VSTM4: variants seen among roughly 807,000 people sequenced by gnomAD.
The protein encoded by VSTM4 is V-set and transmembrane domain containing 4.
Under a neutral mutation model 36.4 loss-of-function variants are expected in VSTM4, and 20 were observed. The ratio of observed to expected loss-of-function variants is 0.55; its 90% CI spans 0.39 to 0.80. The LOEUF (loss-of-function observed/expected upper bound fraction) is 0.80. VSTM4 is among the 30% of genes least tolerant of loss of function. The probability of loss-of-function intolerance (pLI) is 0.00; values close to 1 mark genes in which losing one functional copy is unlikely to be tolerated. For synonymous variants in VSTM4, 182 were observed against 173.9 expected (o/e 1.05, Z -0.37); for missense variants, 392 against 404.5 (o/e 0.97, Z 0.26).
chr10:49,093,198 C>T (rs891308350), intron 2 of VSTM4, among the ~76,000 whole-genome samples: 1 of 152,110 alleles, frequency 6.6e-6, no homozygotes, highest in African/African-American at 2.4e-5. Flanking sequence ...TAAGAGAGCA[C>T]CCCATAACAC....
At chr10:49,085,480 C>T (rs1844353759) in intron 3 of VSTM4, among the ~76,000 whole-genome samples, 1 of 152,202 alleles carries the variant, frequency 6.6e-6, no homozygotes, top group African/African-American at 2.4e-5. Context: ...AGGTACTTAT[C>T]ATTTTTATAT....
chr10:49,039,677 C>T lies in VSTM4; in HGVS notation c.837+7306G>A, dbSNP rs528345965. On this transcript the variant is annotated intron_variant, in intron 7 of 7. Transcript: ENST00000332853. ...TTGTGGAGGAGGGCATGGTTGATGA[C>T]GAGGCATGGAAGAGCCTATCCAAGT... is the stretch of plus-strand genomic sequence containing the variant. Among the ~76,000 whole-genome samples the T allele has an allele frequency of 3.9e-5, 6 of 152,154 alleles. No individual in the cohort carries two copies. In the East Asian group the frequency reaches 5.8e-4, roughly 15 times the overall value.
At chr10:49,088,248 G>A (rs1365975574) in intron 2 of VSTM4, among the ~76,000 whole-genome samples, 3 of 152,026 alleles carry the variant, frequency 2.0e-5, no homozygotes, top group Non-Finnish European at 2.9e-5. Flanking sequence ...CTATCACTGG[G>A]CACATTGCCT....
intron 1 of VSTM4, among the ~76,000 whole-genome samples, chr10:49,113,556 A>G (rs1844935990): frequency 6.6e-6 from 1 of 152,198 alleles, no homozygotes; most frequent in Admixed American, 6.5e-5. Flanking sequence ...TAAGTGGCAG[A>G]GCTGGAATTC....
intron 5 of VSTM4, among the ~76,000 whole-genome samples, chr10:49,060,260 G>C (rs1234489652): frequency 6.6e-6 from 1 of 152,184 alleles, no homozygotes; most frequent in Non-Finnish European, 1.5e-5. Flanking sequence ...GTAACTTAAA[G>C]GTTTTAAGAA....
intron 7 of VSTM4, among the ~76,000 whole-genome samples, chr10:49,028,790 A>G (rs1843301307): frequency 1.3e-5 from 2 of 152,242 alleles, no homozygotes; most frequent in Admixed American, 1.3e-4. Context: ...TTCTCTCAAC[A>G]TCAAAAGTTC....
rs142073855 is a variant in VSTM4 at position 49,067,464 on chromosome 10, A to G, written c.635-2728T>C. On this transcript the variant is annotated intron_variant, in intron 4 of 7. Transcript: ENST00000332853. The stretch of plus-strand genomic sequence containing the variant: ...TACTTCAGAATGTGACTGTATTTGG[A>G]GATAGGGTCTTTAAAGAGGTAATTA... Among the ~76,000 whole-genome samples the G allele has an allele frequency of 3.9e-5, 6 of 152,286 alleles. No individual in the cohort carries two copies. The East Asian group carries it at 1.2e-3, about 29-fold the overall frequency.
intron 1 of VSTM4, among the ~76,000 whole-genome samples, chr10:49,113,367 G>A (rs1844932281): frequency 6.6e-6 from 1 of 152,136 alleles, no homozygotes; most frequent in South Asian, 2.1e-4. Context: ...CCTGAAAATA[G>A]CTCCATCCAG....
intron 3 of VSTM4, among the ~76,000 whole-genome samples, chr10:49,080,602 G>C (rs936183852): frequency 6.6e-6 from 1 of 152,272 alleles, no homozygotes; most frequent in Non-Finnish European, 1.5e-5. Context: ...CATTTAAGGA[G>C]AGAGGGGCAG....
chr10:49,096,049 C>G (rs973286861), intron 2 of VSTM4, among the ~76,000 whole-genome samples: 4 of 152,152 alleles, frequency 2.6e-5, no homozygotes, highest in African/African-American at 4.8e-5. Flanking sequence ...CAATTTGATT[C>G]CTTTGAGTGT....
At chr10:49,029,685 G>A (rs1424609289) in intron 7 of VSTM4, among the ~76,000 whole-genome samples, 2 of 152,228 alleles carry the variant, frequency 1.3e-5, no homozygotes. Context: ...TGCCAACAGG[G>A]AAAATAGTGA....
rs187373076 is a variant in VSTM4 at position 49,025,736 on chromosome 10, A to G, written c.838-5961T>C. ...CTCCATCTGAGCAATGCACCTGGCT[A>G]CCAAGTGACCGGCACACGGGCTAGC... is the stretch of plus-strand genomic sequence containing the variant. On this transcript the variant is annotated intron_variant, in intron 7 of 7. Coordinates refer to ENST00000332853, the MANE Select transcript of VSTM4 (RefSeq NM_001031746.5). Among the ~76,000 whole-genome samples, 121 of 152,346 alleles carry G rather than the reference A, an allele frequency of 7.9e-4. 1 individual carries two copies. The highest frequency in any genetic ancestry group is 2.7e-3 in the African/African-American group (114 of 41,582).
At chr10:49,114,864 C>T (rs1844962183) in intron 1 of VSTM4, among the ~76,000 whole-genome samples, 1 of 152,194 alleles carries the variant, frequency 6.6e-6, no homozygotes, top group Non-Finnish European at 1.5e-5. Flanking sequence ...GTCCTCAAAG[C>T]AGGGTGCTGG....
chr10:49,104,898 G>A (rs374401829), intron 2 of VSTM4, among the ~76,000 whole-genome samples: 2 of 144,286 alleles, frequency 1.4e-5, no homozygotes, highest in East Asian at 4.1e-4. Flanking sequence ...GAGAGAGAGA[G>A]ACACAGAGAG....
chr10:49,104,761 A>T lies in VSTM4; in HGVS notation c.457+2833T>A, dbSNP rs59609177. Among the ~76,000 whole-genome samples, 11 of 152,132 alleles carry T rather than the reference A, an allele frequency of 7.2e-5. No individual in the cohort carries two copies. The East Asian group carries it at 2.1e-3, about 29-fold the overall frequency. On this transcript the variant is annotated intron_variant, in intron 2 of 7. Transcript: ENST00000332853. The stretch of plus-strand genomic sequence containing the variant: ...GAGTGGGCGAGAGAAGTGGAGAGAC[A>T]CAGAGAGATAGAGAGATACAGAGAG...
chr10:49,019,630 C>A lies in VSTM4; in HGVS notation c.*20G>T. ...ACTGGGTGGCAGGTATTAAATAGAA[C>A]CTTGGAGGTGGACGCTGTACTACAG... On this transcript the variant is annotated 3_prime_UTR_variant, in exon 8 of 8. Coordinates refer to ENST00000332853, the MANE Select transcript of VSTM4 (RefSeq NM_001031746.5). 1.3e-6 allele frequency: 2 copies of A among 1,592,672 alleles called. No homozygotes were observed. The highest frequency in any genetic ancestry group is 1.7e-6 in the Non-Finnish European group (2 of 1,168,502).
intron 3 of VSTM4, among the ~76,000 whole-genome samples, chr10:49,084,224 G>A (rs931365668): frequency 1.3e-5 from 2 of 152,214 alleles, no homozygotes; most frequent in African/African-American, 4.8e-5. Flanking sequence ...TTCTCTTAAT[G>A]AGAGGCTGAG....
intron 6 of VSTM4, 46 bp from the exon 7 acceptor site, chr10:49,047,090 A>G (rs1454571531): frequency 6.4e-7 from 1 of 1,562,356 alleles, no homozygotes; most frequent in Non-Finnish European, 8.8e-7. Flanking sequence ...CTCCCAGAAC[A>G]CTTAGTGGCC....
In VSTM4 at chr10:49,023,407, G is replaced by A. The variant is rs150565861; in HGVS notation, c.838-3632C>T. ...TCCTCACTGGTTTTCACCAAACTACGTTTCTTTGCACTAATGTTTCAGTGG... is the reference window on the plus strand; with the variant it reads ...TCCTCACTGGTTTTCACCAAACTACATTTCTTTGCACTAATGTTTCAGTGG... On this transcript the variant is annotated intron_variant, in intron 7 of 7. Transcript: ENST00000332853. Among the ~76,000 whole-genome samples the A allele has an allele frequency of 3.3e-5, 5 of 152,302 alleles. 1 individual carries two copies. Among genetic ancestry groups the A allele is most frequent in the East Asian group, 3.9e-4 (2 of 5,194 alleles).
Sources: allele counts gnomAD v4.1 joint callset (sites outside exome capture counted in the v4.1 genomes callset), GRCh38; gene constraint gnomAD v4.1.1; transcripts MANE v1.5; gene names NCBI Gene and HGNC (gene_info 2026-07-23, HGNC 2026-07-21).